Variants in CPA5 observed in about 807,000 individuals in gnomAD.
CPA5 encodes carboxypeptidase A5.
A neutral mutation model predicts 52.2 loss-of-function variants in CPA5; 38 were observed. The observed-to-expected ratio is 0.73, with a 90% CI of 0.56 to 0.95. The LOEUF (loss-of-function observed/expected upper bound fraction) is 0.95, where lower values mean the gene tolerates loss of function less well. CPA5 is among the 40% of genes least tolerant of loss of function. CPA5 has a pLI of 0.00. For missense variants in CPA5, 519 were observed against 566.7 expected, an observed-to-expected ratio of 0.92 and a Z score of 0.86; for synonymous variants, 198 against 213.7, an observed-to-expected ratio of 0.93 and a Z score of 0.64.
At chr7:130,351,597 C>T (rs1441585927) in intron 5 of CPA5, among the ~76,000 whole-genome samples, 4 of 152,186 alleles carry the variant, frequency 2.6e-5, no homozygotes, top group African/African-American at 4.8e-5. Context: ...CAAGCACTCG[C>T]TGCCATACTT....
downstream of CPA5, among the ~76,000 whole-genome samples, chr7:130,373,575 G>T (rs1796313990): frequency 6.6e-6 from 1 of 152,270 alleles, no homozygotes; most frequent in African/African-American, 2.4e-5. Context: ...CAGGGATCCA[G>T]GGAGTGCAGT....
At chr7:130,369,099 G>C (rs1310394557), downstream of CPA5, among the ~76,000 whole-genome samples, 3 of 152,168 alleles carry the variant, frequency 2.0e-5, no homozygotes, top group Non-Finnish European at 4.4e-5. Flanking sequence ...GAGGGAGCAG[G>C]AGCACATTTT....
At chr7:130,367,803 C>T in intron 11 of CPA5, 103 bp from the exon 12 acceptor site, 4 of 1,063,518 alleles carry the variant, frequency 3.8e-6, no homozygotes, top group African/African-American at 1.6e-5. Flanking sequence ...CTTCAACTTC[C>T]AGGACTGCTA....
intron 2 of CPA5, among the ~76,000 whole-genome samples, 184 bp downstream of exon 2, chr7:130,346,080 G>A (rs12111900): frequency 0.035 from 5,291 of 152,300 alleles, 268 homozygotes; most frequent in African/African-American, 0.12. Context: ...GGGAAAGCAT[G>A]AGTGGGCTAG....
In CPA5 at chr7:130,345,857, ACTCAAGTTGT is replaced by A. The variant is rs1324222593; in HGVS notation, c.-128_-119del. Reference sequence around the variant, plus strand: ...TTTGCAGGCTTTACCAAGCCAATTCACTCAAGTTGTCTCATCTATACCCCTTCAAACCCTG... The same window carrying A: ...TTTGCAGGCTTTACCAAGCCAATTCACTCATCTATACCCCTTCAAACCCTG... On this transcript the variant is annotated 5_prime_UTR_variant, in exon 2 of 13. Transcript: ENST00000474905. The A allele has an allele frequency of 6.6e-6, 1 of 152,152 alleles. No homozygotes were observed. The highest frequency in any genetic ancestry group is 1.5e-5 in the Non-Finnish European group (1 of 68,038). 9.4% of individuals were successfully genotyped at this position (152,152 alleles called of 1,614,324 possible). A position where few individuals can be genotyped will look rare whatever the true frequency, so the allele number is the denominator to read the frequency against.
chr7:130,364,381 T>C (rs142373550), intron 10 of CPA5, among the ~76,000 whole-genome samples: 1 of 152,282 alleles, frequency 6.6e-6, no homozygotes, highest in African/African-American at 2.4e-5. Context: ...TTAGTAGAGA[T>C]GGAATTTCCC....
chr7:130,365,814 G>A (rs139159353), intron 10 of CPA5, among the ~76,000 whole-genome samples: 188 of 152,348 alleles, frequency 1.2e-3, no homozygotes, highest in Middle Eastern at 3.4e-3. Flanking sequence ...ACCTCCCCCC[G>A]CTCTGCGCAT....
chr7:130,363,192 G>T (rs1795889212), intron 9 of CPA5, among the ~76,000 whole-genome samples, 198 bp downstream of exon 9: 1 of 152,176 alleles, frequency 6.6e-6, no homozygotes, highest in Non-Finnish European at 1.5e-5. Flanking sequence ...GGCCTCTATT[G>T]GCAGCCTGTG....
downstream of CPA5, among the ~76,000 whole-genome samples, chr7:130,371,296 G>A (rs1490294079): frequency 6.6e-6 from 1 of 152,266 alleles, no homozygotes; most frequent in Non-Finnish European, 1.5e-5. Context: ...AGCTCTCAGA[G>A]GCAGGACTAT....
At chr7:130,354,289 A>G (rs1295955934) in intron 5 of CPA5, among the ~76,000 whole-genome samples, 1 of 151,670 alleles carries the variant, frequency 6.6e-6, no homozygotes, top group Non-Finnish European at 1.5e-5. Context: ...TTTCTTTCCC[A>G]TTTCACTCTT....
At chr7:130,371,276 G>GATA (rs2117485188), downstream of CPA5, among the ~76,000 whole-genome samples, 1 of 152,330 alleles carries the variant, frequency 6.6e-6, no homozygotes, top group Non-Finnish European at 1.5e-5. Flanking sequence ...TCAACATGTC[G>GATA]CCTCCTCACA....
intron 5 of CPA5, among the ~76,000 whole-genome samples, chr7:130,350,359 G>T (rs922041227): frequency 6.6e-5 from 10 of 152,158 alleles, no homozygotes; most frequent in Non-Finnish European, 1.2e-4. Context: ...CTCCTGGGGA[G>T]GGATTTGCAG....
At chr7:130,369,743 G>A (rs1375557164), downstream of CPA5, among the ~76,000 whole-genome samples, 1 of 152,192 alleles carries the variant, frequency 6.6e-6, no homozygotes, top group Non-Finnish European at 1.5e-5. Context: ...AGGGCACGGA[G>A]ACAGGGAAGA....
chr7:130,347,597 G>A (rs571232214), intron 3 of CPA5, among the ~76,000 whole-genome samples, 169 bp from the exon 4 acceptor site: 23 of 152,304 alleles, frequency 1.5e-4, no homozygotes, highest in Admixed American at 3.9e-4. Flanking sequence ...AGAGCTGCCT[G>A]CGAGTCCTGC....
intron 5 of CPA5, among the ~76,000 whole-genome samples, chr7:130,354,194 C>T (rs1289701585): frequency 6.6e-6 from 1 of 152,160 alleles, no homozygotes; most frequent in Non-Finnish European, 1.5e-5. Context: ...TCCCAAAGTG[C>T]TGAAATTACA....
At chr7:130,359,780 GT>G (rs1214847732) in intron 6 of CPA5, 93 bp downstream of exon 6, 1 of 816,488 alleles carries the variant, frequency 1.2e-6, no homozygotes, top group Non-Finnish European at 2.0e-6. Context: ...GGACTCCAGG[GT>G]TTATGGGAAA....
intron 5 of CPA5, among the ~76,000 whole-genome samples, chr7:130,352,285 C>T (rs1255664797): frequency 2.6e-5 from 4 of 151,940 alleles, no homozygotes; most frequent in African/African-American, 7.3e-5. Flanking sequence ...TGCTGTGCAT[C>T]GGGCAAGGGG....
At chr7:130,371,409 C>T (rs929487758), downstream of CPA5, among the ~76,000 whole-genome samples, 25 of 152,260 alleles carry the variant, frequency 1.6e-4, no homozygotes, top group South Asian at 1.2e-3. Context: ...GACCTGCAGG[C>T]TGGTAGCTCA....
intron 5 of CPA5, among the ~76,000 whole-genome samples, chr7:130,354,367 CT>C (rs1172907589): frequency 7.9e-5 from 12 of 152,004 alleles, no homozygotes; most frequent in Non-Finnish European, 1.5e-4. Context: ...TATTATCTTG[CT>C]AGCTGAAGAG....
Sources: gnomAD v4.1 joint callset for allele counts (sites outside exome capture counted in the v4.1 genomes callset) on GRCh38, gnomAD v4.1.1 for gene constraint, MANE v1.5 for transcripts, NCBI Gene and HGNC (gene_info 2026-07-23, HGNC 2026-07-21) for gene names.